Variants in ESR1 observed in about 807,000 individuals in gnomAD.
ESR1 encodes estrogen receptor.
In ESR1, 12 loss-of-function variants were observed where a neutral mutation model predicts 52.7. The observed-to-expected ratio is 0.23, with a 90% CI of 0.15 to 0.37. ESR1 has a LOEUF of 0.37. ESR1 is among the 10% of genes least tolerant of loss of function. The probability of loss-of-function intolerance (pLI) is 1.00; values close to 1 mark genes in which losing one functional copy is unlikely to be tolerated. For missense variants in ESR1, 584 were observed against 779.7 expected (o/e 0.75, Z 2.99); for synonymous variants, 305 against 316.8 (o/e 0.96, Z 0.39).
chr6:151,796,005 A>C (rs11755660), intron 2 of ESR1, among the ~76,000 whole-genome samples: 50 of 145,668 alleles, frequency 3.4e-4, no homozygotes, highest in African/African-American at 8.2e-4. Flanking sequence ...AAAAAAAAAA[A>C]CCAAAACACA....
At chr6:151,709,030 T>TGTTGTAC (rs1350750994) in intron 2 of ESR1, among the ~76,000 whole-genome samples, 3 of 152,198 alleles carry the variant, frequency 2.0e-5, no homozygotes, top group Non-Finnish European at 1.5e-5. Context: ...TTATTAACTA[T>TGTTGTAC]AGTCACCATG....
At chr6:152,066,822 C>A (rs1034385192) in intron 6 of ESR1, among the ~76,000 whole-genome samples, 4 of 152,050 alleles carry the variant, frequency 2.6e-5, no homozygotes, top group Non-Finnish European at 4.4e-5. Flanking sequence ...ACTTCCTTGG[C>A]GGAAGGGGGA....
At position 152,100,406 on chromosome 6, in the gene ESR1, C is replaced by G. The variant is rs1427729657; in HGVS notation, c.*1440C>G. On this transcript the variant is annotated 3_prime_UTR_variant, in exon 8 of 8. Transcript: ENST00000206249. ...TTGGTTTGGGGAAGAAAATCCTCCC[C>G]CTTCCTCCCCCGCCCCGTTCCCTAC... 3 of 287,236 alleles carry G rather than the reference C, an allele frequency of 1.0e-5. No individual in the cohort carries two copies. The highest frequency in any genetic ancestry group is 5.1e-5 in the East Asian group (1 of 19,604). The allele number at this position is 287,236 out of a possible 1,614,324, so 17.8% of individuals were successfully genotyped here.
rs1159029401 is a variant in ESR1 at position 152,094,561 on chromosome 6, C to A, written c.1546C>A (p.His516Asn). ...CCTCCTCATCCTCTCCCACATCAGG[C>A]ACATGAGGTGAGGCATCTGTGGGCT... is the stretch of plus-strand genomic sequence containing the variant. The part of the protein sequence containing the change: ...QLLLILSHIR[H>N]MSNKGMEHLY... The change falls in exon 7 of 8, where the codon CAC becomes AAC. Residue 516 changes from histidine to asparagine, a missense_variant. Physicochemically the swap from His to Asn is moderately conservative, Grantham distance 68 (BLOSUM62 1). Coordinates refer to ENST00000206249, the MANE Select transcript of ESR1 (RefSeq NM_000125.4). This position sits in a 1 kb window ranked among gnomAD's most constrained non-coding sequence, Gnocchi z 4.6. The A allele has an allele frequency of 6.2e-7, 1 of 1,613,776 alleles. No homozygotes were observed. The highest frequency in any genetic ancestry group is 1.3e-5 in the African/African-American group (1 of 74,928).
chr6:151,779,987 T>C (rs943879354), intron 2 of ESR1, among the ~76,000 whole-genome samples: 16 of 151,986 alleles, frequency 1.1e-4, no homozygotes, highest in Non-Finnish European at 2.2e-4. Context: ...TTATGTCCTT[T>C]GCAGGGACAT....
chr6:151,822,503 A>C lies in ESR1; in HGVS notation c.452+14139A>C, dbSNP rs537300087. On this transcript the variant is annotated intron_variant, in intron 1 of 7. Transcript: ENST00000206249. ...GATTCCTTGGAGACAGATGATGCTA[A>C]ACACAGGAAGATTAGGTCAATGGTA... 2.0e-5 allele frequency among the ~76,000 whole-genome samples: 3 copies of C among 152,312 alleles called. No homozygotes were observed. In the East Asian group the frequency reaches 5.8e-4, roughly 29 times the overall value.
intron 1 of ESR1, among the ~76,000 whole-genome samples, chr6:151,684,242 G>A (rs939478461): frequency 6.6e-6 from 1 of 152,026 alleles, no homozygotes; most frequent in Non-Finnish European, 1.5e-5. Flanking sequence ...AGGAAGTGGT[G>A]GGATCACACC....
At chr6:151,853,920 A>G (rs558911952) in intron 2 of ESR1, among the ~76,000 whole-genome samples, 7 of 152,318 alleles carry the variant, frequency 4.6e-5, no homozygotes, top group Admixed American at 2.6e-4. Context: ...ATAATTTCCC[A>G]TAAAAATTAT....
intron 4 of ESR1, among the ~76,000 whole-genome samples, chr6:152,009,531 C>G (rs2128768958): frequency 1.3e-5 from 2 of 152,182 alleles, no homozygotes; most frequent in South Asian, 4.1e-4. Context: ...TGTGTGATAC[C>G]TCTGTACGTC....
chr6:151,665,344 T>A (rs1777781760), intron 1 of ESR1, among the ~76,000 whole-genome samples: 1 of 152,198 alleles, frequency 6.6e-6, no homozygotes, highest in South Asian at 2.1e-4. Flanking sequence ...GGTTTGTTTT[T>A]TAGAAGTGTT....
intron 4 of ESR1, among the ~76,000 whole-genome samples, chr6:151,980,838 G>T (rs1486943804): frequency 1.3e-5 from 2 of 152,048 alleles, no homozygotes; most frequent in African/African-American, 2.4e-5. Flanking sequence ...CAAGCAGCTG[G>T]GACTACAGGC....
rs1351051075 is a variant in ESR1, at chr6:151,713,238, G to A, written c.-71+11233G>A. 5.3e-5 allele frequency among the ~76,000 whole-genome samples: 8 copies of A among 152,264 alleles called. No individual in the cohort carries two copies. In the East Asian group the frequency reaches 9.6e-4, roughly 18 times the overall value. On this transcript the variant is annotated intron_variant, in intron 2 of 2. Transcript: ENST00000404742. The stretch of plus-strand genomic sequence containing the variant: ...TTTGATGTGCTGCTGGGTTCAGTTT[G>A]CCAGTATTTTATCGAGGATTTTTGC...
At chr6:151,746,839 C>A (rs1325596296) in intron 2 of ESR1, among the ~76,000 whole-genome samples, 1 of 152,232 alleles carries the variant, frequency 6.6e-6, no homozygotes, top group East Asian at 1.9e-4. Context: ...CCATTGCCAG[C>A]TGCATGAGTG....
At chr6:151,899,499 GGAC>G in intron 3 of ESR1, among the ~76,000 whole-genome samples, 1 of 144,452 alleles carries the variant, frequency 6.9e-6, no homozygotes, top group Non-Finnish European at 1.5e-5. Context: ...CCTCCCTCCC[GGAC>G]GGGGCGGCTG....
intron 4 of ESR1, among the ~76,000 whole-genome samples, chr6:151,977,947 G>T (rs1158686477): frequency 2.0e-5 from 2 of 102,462 alleles, no homozygotes; most frequent in East Asian, 5.5e-4. Context: ...GAGTGAGACA[G>T]CAGGAAAAAA....
At chr6:152,109,696 C>G (rs1033384708) in intron 6 of ESR1, among the ~76,000 whole-genome samples, 3 of 152,024 alleles carry the variant, frequency 2.0e-5, no homozygotes, top group African/African-American at 7.2e-5. Flanking sequence ...CAAACGATAA[C>G]AACAACAACA....
At chr6:151,865,680 GAATGGGCACTAACGA>G in intron 2 of ESR1, among the ~76,000 whole-genome samples, 1 of 152,210 alleles carries the variant, frequency 6.6e-6, no homozygotes, top group Non-Finnish European at 1.5e-5. Context: ...GTTTAGAACT[GAATGGGCACTAACGA>G]ACAACAGATA....
chr6:152,109,669 A>G (rs1477469549), intron 6 of ESR1, among the ~76,000 whole-genome samples: 1 of 152,184 alleles, frequency 6.6e-6, no homozygotes, highest in African/African-American at 2.4e-5. Flanking sequence ...CTGGGCAACA[A>G]GAGCAAAACT....
At chr6:151,887,921 C>G (rs372874207) in intron 3 of ESR1, among the ~76,000 whole-genome samples, 9 of 152,112 alleles carry the variant, frequency 5.9e-5, no homozygotes, top group African/African-American at 2.2e-4. Flanking sequence ...TCCAGTTTCT[C>G]TAGAAACATT....
Sources: gnomAD v4.1 joint callset for allele counts (sites outside exome capture counted in the v4.1 genomes callset) on GRCh38, gnomAD v4.1.1 for gene constraint, Gnocchi (gnomAD v3.1) non-coding constraint, MANE v1.5 for transcripts, NCBI Gene and HGNC (gene_info 2026-07-23, HGNC 2026-07-21) for gene names.